ZFYVE9: variants seen among roughly 807,000 people sequenced by gnomAD.
ZFYVE9 encodes the protein zinc finger FYVE-type containing 9, also known as zinc finger FYVE domain-containing protein 9.
In ZFYVE9, 43 loss-of-function variants were observed where a neutral mutation model predicts 126.7. The ratio of observed to expected loss-of-function variants is 0.34; its 90% CI spans 0.27 to 0.44. The LOEUF is 0.44. Ranked by LOEUF, ZFYVE9 falls within the 20% of genes least tolerant of loss-of-function variation. The pLI, the probability that ZFYVE9 is intolerant of heterozygous loss-of-function variation, is 1.00. For missense variants in ZFYVE9, 1,476 were observed against 1,697.0 expected (o/e 0.87, Z 2.29); for synonymous variants, 521 against 597.4 (o/e 0.87, Z 1.87).
Position 52,272,402 on chromosome 1 carries a change from A to G in ZFYVE9, c.2626-2062A>G, listed in dbSNP as rs116135868. Among the ~76,000 whole-genome samples, 200 of 152,280 alleles carry G rather than the reference A, an allele frequency of 1.3e-3. 1 individual carries two copies. The highest frequency in any genetic ancestry group is 4.2e-3 in the African/African-American group (174 of 41,560). On this transcript the variant is annotated intron_variant, in intron 7 of 18. Coordinates refer to ENST00000287727, the MANE Select transcript of ZFYVE9 (RefSeq NM_004799.4). Reference sequence around the variant, plus strand: ...ACCTTCTCCTTTCATCAAGGTAACCATTGTTCTCACTTCTGTCCCTACAGA... The same window carrying G: ...ACCTTCTCCTTTCATCAAGGTAACCGTTGTTCTCACTTCTGTCCCTACAGA...
At chr1:52,200,163 A>G (rs935160261) in intron 1 of ZFYVE9, among the ~76,000 whole-genome samples, 1 of 151,592 alleles carries the variant, frequency 6.6e-6, no homozygotes, top group African/African-American at 2.4e-5. Flanking sequence ...TCATTTGCAG[A>G]GCAGAATTTT....
intron 4 of ZFYVE9, among the ~76,000 whole-genome samples, chr1:52,247,294 TG>T (rs1423219234): frequency 3.9e-5 from 6 of 152,238 alleles, no homozygotes; most frequent in Non-Finnish European, 5.9e-5. Flanking sequence ...TGCTATTTTT[TG>T]TTTTTTTGCA....
At chr1:52,230,101 C>A (rs542959006) in intron 2 of ZFYVE9, among the ~76,000 whole-genome samples, 1 of 152,238 alleles carries the variant, frequency 6.6e-6, no homozygotes, top group South Asian at 2.1e-4. Context: ...ATCTCCTGAC[C>A]TCGTGATCTG....
intron 4 of ZFYVE9, 98 bp from the exon 5 acceptor site, chr1:52,263,675 G>C (rs1645603307): frequency 1.8e-6 from 1 of 551,430 alleles, no homozygotes; most frequent in Non-Finnish European, 3.1e-6. Context: ...AGTTTAATAA[G>C]GTTCACTGAC....
At chr1:52,299,179 T>A (rs1427578607) in intron 12 of ZFYVE9, among the ~76,000 whole-genome samples, 1 of 152,186 alleles carries the variant, frequency 6.6e-6, no homozygotes, top group African/African-American at 2.4e-5. Context: ...CTAGGTATCT[T>A]ATTTTTTTTA....
intron 2 of ZFYVE9, among the ~76,000 whole-genome samples, chr1:52,219,749 T>TGTGTG (rs1431955734): frequency 1.2e-4 from 14 of 113,344 alleles, no homozygotes; most frequent in African/African-American, 2.4e-4. Flanking sequence ...CCAAGATCTT[T>TGTGTG]TGTGTGTGTG....
chr1:52,237,922 T>G lies in ZFYVE9; in HGVS notation c.505T>G (p.Cys169Gly). The G allele has an allele frequency of 6.2e-7, 1 of 1,614,028 alleles. No individual in the cohort carries two copies. The highest frequency in any genetic ancestry group is 8.5e-7 in the Non-Finnish European group (1 of 1,179,954). The change falls in exon 4 of 19, where the codon TGT (cysteine) becomes GGT (glycine). Residue 169 changes from cysteine to glycine, a missense_variant. Physicochemically the swap from Cys to Gly is radical, Grantham distance 159. This residue lies in a region of ZFYVE9 where 807 missense variants were observed against 794.6 expected (regional missense o/e 1.02). Transcript: ENST00000287727. ...GACATTACAAAACGATTTACAGGAT[T>G]GTAATAATTATAATAGTCAATCCCT... ...KRTLQNDLQD[C>G]NNYNSQSLMD... is the part of the protein sequence containing the mutation.
chr1:52,225,563 C>G (rs889301688), intron 2 of ZFYVE9, among the ~76,000 whole-genome samples: 6 of 152,218 alleles, frequency 3.9e-5, no homozygotes, highest in Non-Finnish European at 7.3e-5. Context: ...ATGGGTCGGA[C>G]TGCACAATCT....
intron 13 of ZFYVE9, among the ~76,000 whole-genome samples, chr1:52,307,752 C>CTTTT (rs1200929559): frequency 7.1e-6 from 1 of 139,866 alleles, no homozygotes; most frequent in African/African-American, 2.6e-5. Context: ...CTTTTTTCTT[C>CTTTT]TTTTTTTTTT....
intron 1 of ZFYVE9, among the ~76,000 whole-genome samples, chr1:52,182,430 C>T (rs1644719165): frequency 6.6e-6 from 1 of 152,072 alleles, no homozygotes; most frequent in African/African-American, 2.4e-5. Flanking sequence ...CCTTGGGATC[C>T]TGTTGATCTA....
chr1:52,326,693 C>CAA (rs34479038), intron 13 of ZFYVE9, among the ~76,000 whole-genome samples: 6,336 of 102,682 alleles, frequency 0.062, 544 homozygotes, highest in African/African-American at 0.19. Flanking sequence ...TACTCAATAC[C>CAA]AAAAAAAAAA....
Position 52,278,625 on chromosome 1 carries a change from A to C in ZFYVE9, c.2869+11A>C, listed in dbSNP as rs1245461494. ...TTAAAATTGTAAATTGTAAGTTATA[A>C]ATTTTTAAAAATTAAAATCAGATGT... On this transcript the variant is annotated intron_variant, in intron 9 of 18. Transcript: ENST00000287727. 1.1e-5 allele frequency: 17 copies of C among 1,494,352 alleles called. No individual in the cohort carries two copies. Among genetic ancestry groups the C allele is most frequent in the Non-Finnish European group, 1.5e-5 (17 of 1,099,516 alleles). The allele number at this position is 1,494,352 out of a possible 1,614,324, so 92.6% of individuals were successfully genotyped here. A position where few individuals can be genotyped will look rare whatever the true frequency, so the allele number is the denominator to read the frequency against.
intron 15 of ZFYVE9, among the ~76,000 whole-genome samples, chr1:52,336,822 C>G (rs1045532044): frequency 6.6e-6 from 1 of 151,810 alleles, no homozygotes; most frequent in Non-Finnish European, 1.5e-5. Flanking sequence ...TGGCATACAC[C>G]TATAGTACCA....
intron 1 of ZFYVE9, among the ~76,000 whole-genome samples, chr1:52,185,568 T>C (rs1415611725): frequency 6.6e-6 from 1 of 152,204 alleles, no homozygotes; most frequent in African/African-American, 2.4e-5. Context: ...GAAGTTTTAA[T>C]ATAGAGTATT....
Position 52,237,545 on chromosome 1 carries a change from C to G in ZFYVE9, c.128C>G (p.Pro43Arg), listed in dbSNP as rs373381692. ...AAGTGGAATAAGATTCTAGATCCCC[C>G]TTCTCACCGGCTGTCATTTAACCCT... ...DTKWNKILDP[P>R]SHRLSFNPTL... Residue 43 changes from proline (P) to arginine (R), a missense_variant, in exon 4 of 19, where the codon CCT becomes CGT. Transcript: ENST00000287727. The G allele has an allele frequency of 1.2e-6, 2 of 1,613,802 alleles. No individual in the cohort carries two copies. The highest frequency in any genetic ancestry group is 1.7e-6 in the Non-Finnish European group (2 of 1,179,880).
Position 52,239,540 on chromosome 1 carries a change from G to A in ZFYVE9, c.2123G>A (p.Cys708Tyr), listed in dbSNP as rs1645312754. ...PDSQAPNCMK[C>Y]EARFTFTKRR... ...TCTCAGGCTCCAAATTGCATGAAAT[G>A]TGAAGCCAGGTTTACATTCACCAAA... The change falls in exon 4 of 19, where the codon TGT becomes TAT. Residue 708 changes from cysteine (C) to tyrosine (Y), a missense_variant. By Grantham distance (194) the Cys-to-Tyr change is radical. Around this residue, in one of 2 missense-constraint regions of ZFYVE9, gnomAD observed 669 missense variants for 902.4 expected, o/e 0.74. Transcript: ENST00000287727. The A allele has an allele frequency of 6.2e-7, 1 of 1,614,104 alleles. No individual in the cohort carries two copies. The highest frequency in any genetic ancestry group is 8.5e-7 in the Non-Finnish European group (1 of 1,179,974).
chr1:52,314,079 T>G (rs1646161186), intron 13 of ZFYVE9, among the ~76,000 whole-genome samples: 1 of 152,136 alleles, frequency 6.6e-6, no homozygotes, highest in Non-Finnish European at 1.5e-5. Context: ...ATTTCCAAAT[T>G]TAATGAAAAT....
At chr1:52,147,376 T>G (rs1019857420) in intron 1 of ZFYVE9, among the ~76,000 whole-genome samples, 1 of 152,322 alleles carries the variant, frequency 6.6e-6, no homozygotes. Flanking sequence ...AAGAGAAACT[T>G]GTACCCATTA....
At chr1:52,220,982 A>G (rs1645119473) in intron 2 of ZFYVE9, among the ~76,000 whole-genome samples, 1 of 152,182 alleles carries the variant, frequency 6.6e-6, no homozygotes, top group African/African-American at 2.4e-5. Context: ...AAGATTTTCT[A>G]ATACTTGCAA....
Sources: allele counts gnomAD v4.1 joint callset (sites outside exome capture counted in the v4.1 genomes callset), GRCh38; gene constraint gnomAD v4.1.1; regional missense constraint gnomAD v4.1.1; transcripts MANE v1.5; gene names NCBI Gene and HGNC (gene_info 2026-07-23, HGNC 2026-07-21).